FMN2: variants seen among roughly 807,000 people sequenced by gnomAD.
The protein encoded by FMN2 is formin-2.
Under a neutral mutation model 142.3 loss-of-function variants are expected in FMN2, and 51 were observed. The observed-to-expected ratio is 0.36, with a 90% CI of 0.29 to 0.45. The LOEUF (loss-of-function observed/expected upper bound fraction) is 0.45. Ranked by LOEUF, FMN2 falls within the 20% of genes least tolerant of loss-of-function variation. The pLI is 1.00. For missense variants in FMN2, 1,936 were observed against 2,122.8 expected, an observed-to-expected ratio of 0.91 and a Z score of 1.73; for synonymous variants, 882 against 869.8, an observed-to-expected ratio of 1.01 and a Z score of -0.25.
At chr1:240,388,635 G>T (rs1488521443) in intron 14 of FMN2, among the ~76,000 whole-genome samples, 2 of 152,064 alleles carry the variant, frequency 1.3e-5, no homozygotes, top group Non-Finnish European at 2.9e-5. Context: ...GCTGAGGCAG[G>T]TGGATCACCT....
intron 14 of FMN2, among the ~76,000 whole-genome samples, chr1:240,366,848 G>A (rs1182993092): frequency 2.0e-5 from 3 of 152,108 alleles, no homozygotes; most frequent in African/African-American, 7.2e-5. Context: ...ACCGCGCCCG[G>A]CCCTCTATCC....
At chr1:240,221,394 T>C (rs1361516665) in intron 6 of FMN2, among the ~76,000 whole-genome samples, 1 of 152,220 alleles carries the variant, frequency 6.6e-6, no homozygotes, top group East Asian at 1.9e-4. Flanking sequence ...TTCCCAACTT[T>C]TTAATGATCG....
intron 7 of FMN2, among the ~76,000 whole-genome samples, chr1:240,264,916 G>A (rs975798856): frequency 1.3e-5 from 2 of 152,112 alleles, no homozygotes; most frequent in Admixed American, 1.3e-4. Context: ...GTCCAGAAGA[G>A]GGGAGTTAAT....
intron 2 of FMN2, among the ~76,000 whole-genome samples, chr1:240,128,600 A>G (rs10926137): frequency 0.35 from 53,275 of 152,140 alleles, 10,067 homozygotes; most frequent in Non-Finnish European, 0.42. Flanking sequence ...CTTGCTCACC[A>G]GATGGGCAAG....
rs1335797057 is a variant in FMN2, at chr1:240,207,002, A to G, written c.2190A>G (p.Glu730=). The G allele has an allele frequency of 6.2e-6, 10 of 1,614,206 alleles. No homozygotes were observed. The South Asian group carries it at 6.6e-5, about 11-fold the overall frequency. The part of the protein sequence containing the change: ...DVCLEALRLE[E]KEVRHHRILE... ...GTCTCGAAGCTCTCAGGTTAGAAGA[A>G]AAGGAAGTACGGCATCATAGGATTT... The change falls in exon 5 of 18, where the codon GAA becomes GAG. Residue 730 remains glutamate (E), a synonymous_variant. Coordinates refer to ENST00000319653, the MANE Select transcript of FMN2 (RefSeq NM_020066.5).
At chr1:240,299,295 CATA>C (rs1670109932) in intron 8 of FMN2, among the ~76,000 whole-genome samples, 1 of 152,070 alleles carries the variant, frequency 6.6e-6, no homozygotes, top group East Asian at 1.9e-4. Context: ...ATAAAATATT[CATA>C]ATAATTACTA....
At chr1:240,316,527 G>A (rs1670784408) in intron 8 of FMN2, among the ~76,000 whole-genome samples, 4 of 152,066 alleles carry the variant, frequency 2.6e-5, no homozygotes, top group Admixed American at 2.6e-4. Context: ...CAATGAGAGT[G>A]AGAGGGAGAA....
chr1:240,342,788 A>G (rs1671784593), intron 13 of FMN2, among the ~76,000 whole-genome samples: 1 of 152,210 alleles, frequency 6.6e-6, no homozygotes, highest in Non-Finnish European at 1.5e-5. Flanking sequence ...CAGAAAATAA[A>G]AAGTAGATTC....
chr1:240,105,623 GTT>G (rs1558297586), intron 1 of FMN2, among the ~76,000 whole-genome samples: 6 of 152,102 alleles, frequency 3.9e-5, no homozygotes, highest in Non-Finnish European at 7.4e-5. Flanking sequence ...TCCATAAAGA[GTT>G]TGTGTTTCCT....
At chr1:240,323,465 A>G (rs1446050585) in intron 8 of FMN2, among the ~76,000 whole-genome samples, 3 of 152,070 alleles carry the variant, frequency 2.0e-5, no homozygotes, top group Non-Finnish European at 4.4e-5. Context: ...CAAAGTGCTG[A>G]GATTACAGGC....
chr1:240,202,924 A>C (rs887998943), intron 4 of FMN2, among the ~76,000 whole-genome samples: 1 of 152,220 alleles, frequency 6.6e-6, no homozygotes, highest in Non-Finnish European at 1.5e-5. Context: ...TACTTCTTAC[A>C]TGCTATTTAT....
chr1:240,177,325 C>T lies in FMN2; in HGVS notation c.1783-596C>T, dbSNP rs144509820. On this transcript the variant is annotated intron_variant, in intron 2 of 17. Transcript: ENST00000319653. ...CCAGATTCTGTTGGTCTGTAGCTGG[C>T]GAGGTCTTTCTTGGCCAGAAGATCC... Among the ~76,000 whole-genome samples, 636 of 151,034 alleles carry T rather than the reference C, an allele frequency of 4.2e-3. 6 individuals carry two copies. The highest frequency in any genetic ancestry group is 7.6e-3 in the Non-Finnish European group (517 of 67,880).
intron 6 of FMN2, among the ~76,000 whole-genome samples, chr1:240,246,101 AC>A (rs1668074373): frequency 6.6e-6 from 1 of 152,074 alleles, no homozygotes; most frequent in Non-Finnish European, 1.5e-5. Context: ...AATCACGTGA[AC>A]CCAGGAGGCG....
intron 14 of FMN2, among the ~76,000 whole-genome samples, chr1:240,375,927 G>T (rs2103074986): frequency 6.6e-6 from 1 of 152,228 alleles, no homozygotes; most frequent in East Asian, 1.9e-4. Context: ...TGTTTTGTCA[G>T]TTGGGGAATT....
At chr1:240,204,517 G>A (rs764510934) in intron 4 of FMN2, among the ~76,000 whole-genome samples, 6 of 152,226 alleles carry the variant, frequency 3.9e-5, no homozygotes, top group African/African-American at 1.4e-4. Flanking sequence ...TTGGGAGGCC[G>A]AGGTGCGTGG....
At position 240,093,646 on chromosome 1, in the gene FMN2, G is replaced by C. The variant is rs751437472; in HGVS notation, c.1537G>C (p.Gly513Arg). The change falls in exon 1 of 18, where the codon GGT (glycine) becomes CGT (arginine). Residue 513 changes from glycine to arginine, a missense_variant. By Grantham distance (125) the Gly-to-Arg change is moderately radical. Around this residue, in one of 8 missense-constraint regions of FMN2, gnomAD observed 751 missense variants for 791.8 expected, o/e 0.95. Transcript: ENST00000319653. ...LERGVASDSG[G>R]GVSPALAAKA... Reference sequence around the variant, plus strand: ...GCGCGGGGTGGCGAGTGACAGCGGCGGTGGGGTGTCCCCAGCACTGGCCGC... The same window carrying C: ...GCGCGGGGTGGCGAGTGACAGCGGCCGTGGGGTGTCCCCAGCACTGGCCGC... The C allele has an allele frequency of 4.2e-6, 6 of 1,420,400 alleles. No homozygotes were observed. The highest frequency in any genetic ancestry group is 5.5e-6 in the Non-Finnish European group (6 of 1,099,240). The allele number at this position is 1,420,400 out of a possible 1,614,324, so 88.0% of individuals were successfully genotyped here.
At chr1:240,140,017 G>A (rs530449896) in intron 2 of FMN2, among the ~76,000 whole-genome samples, 1 of 152,108 alleles carries the variant, frequency 6.6e-6, no homozygotes, top group African/African-American at 2.4e-5. Context: ...TAGATAAATT[G>A]GTTTCAGTTG....
chr1:240,360,732 CAAT>C (rs1005525371), intron 14 of FMN2, among the ~76,000 whole-genome samples: 13 of 152,028 alleles, frequency 8.6e-5, no homozygotes, highest in African/African-American at 2.9e-4. Flanking sequence ...AAATGTCCAA[CAAT>C]GATAGACTGG....
intron 14 of FMN2, among the ~76,000 whole-genome samples, chr1:240,356,550 T>G (rs966970525): frequency 6.6e-6 from 1 of 152,208 alleles, no homozygotes. Context: ...AAAGCATCTA[T>G]TAAGTCTTGA....
Sources: gnomAD v4.1 joint callset for allele counts (sites outside exome capture counted in the v4.1 genomes callset) on GRCh38, gnomAD v4.1.1 for gene constraint, gnomAD v4.1.1 regional missense constraint, MANE v1.5 for transcripts, NCBI Gene and HGNC (gene_info 2026-07-23, HGNC 2026-07-21) for gene names.